DUSP5: variants seen among roughly 807,000 people sequenced by gnomAD.
The protein encoded by DUSP5 is dual specificity protein phosphatase 5.
DUSP5 carries 22 observed loss-of-function variants against 33.6 expected under a neutral mutation model. The observed-to-expected ratio is 0.66, with a 90% CI of 0.47 to 0.94. The LOEUF is 0.94. Among genes scored for constraint, DUSP5 ranks in the 40% least tolerant of loss-of-function variants. DUSP5 has a pLI of 0.00. For missense variants in DUSP5, 551 were observed against 522.1 expected (o/e 1.06, Z -0.54); for synonymous variants, 270 against 231.1 (o/e 1.17, Z -1.53).
At position 110,498,445 on chromosome 10, in the gene DUSP5, C is replaced by T. The variant is rs542883088; in HGVS notation, c.324C>T (p.Val108=). The T allele has an allele frequency of 1.3e-6, 2 of 1,543,220 alleles. No homozygotes were observed. Among genetic ancestry groups the T allele is most frequent in the Admixed American group, 1.9e-5 (1 of 53,982 alleles). ...GAGAGGAGAGCGCCGCGCGTGTCGT[C>T]CTCACCTCGCTACTCGCTTGCCTAC... The part of the protein sequence containing the change: ...KLREESAARV[V]LTSLLACLPA... Residue 108 remains valine, a synonymous_variant, in exon 1 of 4, where the codon GTC becomes GTT. Coordinates refer to ENST00000369583, the MANE Select transcript of DUSP5 (RefSeq NM_004419.4).
chr10:110,498,714 G>A (rs553709672), intron 1 of DUSP5, among the ~76,000 whole-genome samples: 1 of 152,256 alleles, frequency 6.6e-6, no homozygotes, highest in African/African-American at 2.4e-5. Flanking sequence ...GCGCCCGGCA[G>A]CGGGTCTGCC....
chr10:110,502,518 T>C (rs1860066428), intron 1 of DUSP5, among the ~76,000 whole-genome samples: 2 of 152,256 alleles, frequency 1.3e-5, no homozygotes, highest in Non-Finnish European at 2.9e-5. Flanking sequence ...GAGTTCTTTT[T>C]AGAGGTTTGT....
intron 3 of DUSP5, among the ~76,000 whole-genome samples, chr10:110,508,926 T>C (rs928063393): frequency 5.3e-5 from 8 of 152,200 alleles, no homozygotes; most frequent in African/African-American, 1.4e-4. Flanking sequence ...ATCTTTTAGA[T>C]CTTGCAGATT....
At position 110,498,442 on chromosome 10, in the gene DUSP5, C is replaced by G. The variant is rs527596389; in HGVS notation, c.321C>G (p.Val107=). The change falls in exon 1 of 4, where the codon GTC becomes GTG. Residue 107 remains valine (V), a synonymous_variant. Transcript: ENST00000369583. ...QKLREESAAR[V]VLTSLLACLP... is the part of the protein sequence containing the mutation. ...TGCGAGAGGAGAGCGCCGCGCGTGT[C>G]GTCCTCACCTCGCTACTCGCTTGCC... 1.4e-4 allele frequency: 208 copies of G among 1,540,372 alleles called. 2 individuals are homozygous for G. The South Asian group carries it at 2.2e-3, about 16-fold the overall frequency.
intron 1 of DUSP5, among the ~76,000 whole-genome samples, chr10:110,501,307 T>C (rs1860044837): frequency 6.6e-6 from 1 of 152,126 alleles, no homozygotes; most frequent in South Asian, 2.1e-4. Flanking sequence ...CCCGTTGTCG[T>C]GGGGAGCATG....
Position 110,510,137 on chromosome 10 carries a change from C to T in DUSP5, c.866C>T (p.Ala289Val), listed in dbSNP as rs374165559. 2 of 1,614,178 alleles carry T rather than the reference C, an allele frequency of 1.2e-6. No homozygotes were observed. The highest frequency in any genetic ancestry group is 1.7e-6 in the Non-Finnish European group (2 of 1,180,028). ...ACCAAGCAGTTCCGCCTGAAGGAGG[C>T]CTTCGATTACATCAAGCAGAGGAGG... ...MKTKQFRLKE[A>V]FDYIKQRRSM... The change falls in exon 4 of 4, where the codon GCC (alanine) becomes GTC (valine). Residue 289 changes from alanine to valine, a missense_variant. Around this residue, in one of 3 missense-constraint regions of DUSP5, gnomAD observed 158 missense variants for 181.8 expected, o/e 0.87. Coordinates refer to ENST00000369583, the MANE Select transcript of DUSP5 (RefSeq NM_004419.4).
In DUSP5 at chr10:110,510,336, A is replaced by G; in HGVS notation, c.1065A>G (p.Thr355=). The G allele has an allele frequency of 1.2e-6, 2 of 1,614,144 alleles. No individual in the cohort carries two copies. Among genetic ancestry groups the G allele is most frequent in the Non-Finnish European group, 1.7e-6 (2 of 1,180,020 alleles). The change falls in exon 4 of 4, where the codon ACA becomes ACG. Residue 355 remains threonine (T), a synonymous_variant. Coordinates refer to ENST00000369583, the MANE Select transcript of DUSP5 (RefSeq NM_004419.4). ...CTGACATGCAGGGTGCCTACTGCAC[A>G]TTCCCTGCCTCGGTGCTGGCACCGG... is the stretch of plus-strand genomic sequence containing the variant. ...LSPDMQGAYC[T]FPASVLAPVP... is the part of the protein sequence containing the mutation.
At position 110,510,233 on chromosome 10, in the gene DUSP5, C is replaced by T. The variant is rs748933851; in HGVS notation, c.962C>T (p.Thr321Met). 1.2e-6 allele frequency: 2 copies of T among 1,614,160 alleles called. No homozygotes were observed. Among genetic ancestry groups the T allele is most frequent in the South Asian group, 1.1e-5 (1 of 91,086 alleles). The change falls in exon 4 of 4, where the codon ACG becomes ATG. Residue 321 changes from threonine (T) to methionine (M), a missense_variant. By Grantham distance (81) the Thr-to-Met change is moderately conservative. This residue lies in a region of DUSP5 where 158 missense variants were observed against 181.8 expected (regional missense o/e 0.87). Transcript: ENST00000369583. ...TACGAATCTGAGATCCTGCCCTCCACGCCCAACCCCCAGCCTCCCTCCTGC... is the reference window on the plus strand; with the variant it reads ...TACGAATCTGAGATCCTGCCCTCCATGCCCAACCCCCAGCCTCCCTCCTGC... Reference protein sequence around the residue: ...LQYESEILPSTPNPQPPSCQG... With the variant: ...LQYESEILPSMPNPQPPSCQG...
intron 2 of DUSP5, among the ~76,000 whole-genome samples, chr10:110,506,537 T>A (rs887373379): frequency 1.3e-5 from 2 of 152,222 alleles, no homozygotes; most frequent in African/African-American, 4.8e-5. Flanking sequence ...AAAGCAAGAC[T>A]GTCCCAAGGC....
intron 3 of DUSP5, among the ~76,000 whole-genome samples, chr10:110,507,506 C>T (rs996077372): frequency 5.9e-5 from 9 of 152,134 alleles, no homozygotes; most frequent in African/African-American, 1.7e-4. Context: ...TGTGCTTCTA[C>T]GTAGGTTGGG....
At position 110,498,159 on chromosome 10, in the gene DUSP5, A is replaced by G; in HGVS notation, c.38A>G (p.Lys13Arg). 6.8e-7 allele frequency: 1 copy of G among 1,477,774 alleles called. No individual in the cohort carries two copies. Among genetic ancestry groups the G allele is most frequent in the Non-Finnish European group, 9.0e-7 (1 of 1,111,848 alleles). The allele number at this position is 1,477,774 out of a possible 1,614,324, so 91.5% of individuals were successfully genotyped here. Residue 13 changes from lysine (K) to arginine (R), a missense_variant, in exon 1 of 4, where the codon AAG becomes AGG. Around this residue, in one of 3 missense-constraint regions of DUSP5, gnomAD observed 381 missense variants for 310.4 expected, o/e 1.23. Transcript: ENST00000369583. ...TCGCTCGACGGGCGCCAGCTGCGCA[A>G]GATGCTCCGCAAGGAGGCGGCGGCG... ...VTSLDGRQLR[K>R]MLRKEAAARC...
In DUSP5 at chr10:110,498,234, AC is replaced by A; in HGVS notation, c.114del (p.Asn38LysfsTer106). 6.6e-7 allele frequency: 1 copy of A among 1,508,110 alleles called. No homozygotes were observed. Among genetic ancestry groups the A allele is most frequent in the Non-Finnish European group, 8.9e-7 (1 of 1,127,588 alleles). 93.4% of individuals were successfully genotyped at this position (1,508,110 alleles called of 1,614,324 possible). A position where few individuals can be genotyped will look rare whatever the true frequency, so the allele number is the denominator to read the frequency against. ...CRPYLAFAAS[N>X]VRGSLNVNLN... ...CCCTATCTGGCCTTCGCTGCCTCGA[AC>A]GTGCGCGGCTCGCTCAACGTCAACC... On this transcript the variant is annotated frameshift_variant, in exon 1 of 4. Coordinates refer to ENST00000369583, the MANE Select transcript of DUSP5 (RefSeq NM_004419.4). LOFTEE classifies it high-confidence loss of function.
chr10:110,504,499 A>C (rs1176232294), intron 2 of DUSP5, among the ~76,000 whole-genome samples: 1 of 152,308 alleles, frequency 6.6e-6, no homozygotes, highest in East Asian at 1.9e-4. Context: ...CACTCAGGAG[A>C]GGAAGAGATC....
intron 1 of DUSP5, among the ~76,000 whole-genome samples, chr10:110,501,964 T>TTG (rs1180136607): frequency 7.7e-6 from 1 of 130,458 alleles, no homozygotes; most frequent in Non-Finnish European, 1.6e-5. Flanking sequence ...GACTTATTGA[T>TTG]TGGGGGGGGG....
intron 3 of DUSP5, 83 bp from the exon 4 acceptor site, chr10:110,509,937 A>G (rs1379810120): frequency 6.7e-7 from 1 of 1,496,108 alleles, no homozygotes. Flanking sequence ...TATCTAGGTT[A>G]CTCCAGTGTT....
Position 110,506,918 on chromosome 10 carries a change from T to C in DUSP5, c.529-17T>C. On this transcript the variant is annotated splice_polypyrimidine_tract_variant and intron_variant, in intron 2 of 3. Transcript: ENST00000369583. The stretch of plus-strand genomic sequence containing the variant: ...CTAATCCAATATTTCCTGATTGTCC[T>C]TTGTCCCTGCATCCAGGGTGGCCCA... 1.2e-6 allele frequency: 2 copies of C among 1,611,792 alleles called. No homozygotes were observed. The highest frequency in any genetic ancestry group is 1.7e-6 in the Non-Finnish European group (2 of 1,177,874).
chr10:110,504,381 A>G (rs1860094130), intron 2 of DUSP5, among the ~76,000 whole-genome samples: 1 of 152,236 alleles, frequency 6.6e-6, no homozygotes, highest in Admixed American at 6.5e-5. Context: ...CTCTTGGTCT[A>G]AACAGAAGTT....
chr10:110,502,396 T>C (rs539494778), intron 1 of DUSP5, among the ~76,000 whole-genome samples: 16 of 152,328 alleles, frequency 1.1e-4, no homozygotes, highest in African/African-American at 3.1e-4. Flanking sequence ...AGAGAGAAAA[T>C]AGCCTTTGTT....
Position 110,510,119 on chromosome 10 carries a change from A to C in DUSP5, c.848A>C (p.Gln283Pro), listed in dbSNP as rs201213844. The C allele has an allele frequency of 4.5e-5, 72 of 1,614,220 alleles. No individual in the cohort carries two copies. The East Asian group carries it at 1.6e-3, about 35-fold the overall frequency. Residue 283 changes from glutamine to proline, a missense_variant, in exon 4 of 4, where the codon CAG becomes CCG. Gln to Pro is a moderately conservative substitution (Grantham distance 76). Around this residue, in one of 3 missense-constraint regions of DUSP5, gnomAD observed 158 missense variants for 181.8 expected, o/e 0.87. Transcript: ENST00000369583. ...ICMAYLMKTK[Q>P]FRLKEAFDYI... ...ATGGCTTACCTTATGAAGACCAAGC[A>C]GTTCCGCCTGAAGGAGGCCTTCGAT...
Sources: allele counts gnomAD v4.1 joint callset (sites outside exome capture counted in the v4.1 genomes callset), GRCh38; gene constraint gnomAD v4.1.1; regional missense constraint gnomAD v4.1.1; transcripts MANE v1.5; gene names NCBI Gene and HGNC (gene_info 2026-07-23, HGNC 2026-07-21).